Variants in C10orf90 observed in about 807,000 individuals in gnomAD.
C10orf90 encodes the protein chromosome 10 open reading frame 90.
In C10orf90, 56 loss-of-function variants were observed where a neutral mutation model predicts 62.5. That is an observed-to-expected ratio of 0.90 (90% CI 0.72 to 1.12). C10orf90 has a LOEUF of 1.12. Among genes scored for constraint, C10orf90 ranks in the 50% most tolerant of loss-of-function variants. The pLI is 0.00. For synonymous variants in C10orf90, 386 were observed against 340.4 expected (o/e 1.13, Z -1.47); for missense variants, 970 against 880.4 (o/e 1.10, Z -1.29).
chr10:126,565,482 G>C (rs186987258), intron 2 of C10orf90, among the ~76,000 whole-genome samples: 1 of 121,976 alleles, frequency 8.2e-6, no homozygotes, highest in Non-Finnish European at 1.6e-5. Flanking sequence ...CAGTCAATTT[G>C]CTGTCACCCT....
chr10:126,607,746 A>C (rs1845344016), intron 2 of C10orf90, among the ~76,000 whole-genome samples: 1 of 152,220 alleles, frequency 6.6e-6, no homozygotes. Flanking sequence ...TACATGGATA[A>C]AAGATCCATC....
chr10:126,662,587 C>A (rs777119462), intron 1 of C10orf90, among the ~76,000 whole-genome samples: 4 of 152,172 alleles, frequency 2.6e-5, no homozygotes, highest in Admixed American at 6.5e-5. Context: ...CTTCCTGTGC[C>A]CCCGTTCAGA....
At chr10:126,523,651 T>C (rs1419148905) in intron 2 of C10orf90, 1 of 152,218 alleles carries the variant, frequency 6.6e-6, no homozygotes, top group Non-Finnish European at 1.5e-5. Context: ...TTTCCTAACA[T>C]GCAAGCATTA....
intron 4 of C10orf90, among the ~76,000 whole-genome samples, chr10:126,480,694 C>T (rs929212119): frequency 5.9e-5 from 9 of 152,230 alleles, no homozygotes; most frequent in Non-Finnish European, 1.2e-4. Context: ...ACCTCCAGAT[C>T]TAGGCATTAA....
intron 4 of C10orf90, among the ~76,000 whole-genome samples, chr10:126,480,076 A>G (rs1861091728): frequency 6.6e-6 from 1 of 152,220 alleles, no homozygotes; most frequent in Admixed American, 6.5e-5. Context: ...TGTATTCCAG[A>G]AAATTTTACT....
At position 126,646,060 on chromosome 10, in the gene C10orf90, G is replaced by A. The variant is rs532733521; in HGVS notation, c.313+505C>T. On this transcript the variant is annotated intron_variant, in intron 2 of 9. Transcript: ENST00000488181. Reference sequence around the variant, plus strand: ...GATTTTGCTCACAAAGAGTGGGGCAGGGGAGCTGGTTTTCACATCATTTAT... The same window carrying A: ...GATTTTGCTCACAAAGAGTGGGGCAAGGGAGCTGGTTTTCACATCATTTAT... Among the ~76,000 whole-genome samples, 39 of 152,270 alleles carry A rather than the reference G, an allele frequency of 2.6e-4. No individual in the cohort carries two copies. In the South Asian group the frequency reaches 6.9e-3, roughly 27 times the overall value.
At chr10:126,625,428 T>A (rs1197366570) in intron 2 of C10orf90, among the ~76,000 whole-genome samples, 1 of 152,174 alleles carries the variant, frequency 6.6e-6, no homozygotes, top group Non-Finnish European at 1.5e-5. Context: ...AGGACATTTT[T>A]ATAAAATATA....
At chr10:126,590,913 T>C (rs1335405963) in intron 2 of C10orf90, among the ~76,000 whole-genome samples, 1 of 152,110 alleles carries the variant, frequency 6.6e-6, no homozygotes, top group Non-Finnish European at 1.5e-5. Context: ...ATGTTATAAA[T>C]ATCTATATGC....
chr10:126,502,422 A>T (rs1456058818), intron 4 of C10orf90, among the ~76,000 whole-genome samples: 1 of 152,190 alleles, frequency 6.6e-6, no homozygotes, highest in East Asian at 1.9e-4. Flanking sequence ...GAATAAATTT[A>T]TACTATTTGC....
chr10:126,669,010 G>A (rs200916016), intron 1 of C10orf90, among the ~76,000 whole-genome samples: 3 of 111,106 alleles, frequency 2.7e-5, no homozygotes, highest in East Asian at 2.4e-4. Flanking sequence ...TATGAACAAT[G>A]CATAATAATG....
chr10:126,502,488 C>T (rs1285891784), intron 4 of C10orf90, among the ~76,000 whole-genome samples: 4 of 152,200 alleles, frequency 2.6e-5, no homozygotes, highest in Non-Finnish European at 5.9e-5. Flanking sequence ...CAAAAATCTT[C>T]TCTGCACCAC....
chr10:126,445,628 T>C (rs963741655), intron 7 of C10orf90, among the ~76,000 whole-genome samples: 16 of 152,034 alleles, frequency 1.1e-4, no homozygotes, highest in Admixed American at 2.6e-4. Context: ...GATCTGAAAG[T>C]AGAACTATCG....
intron 1 of C10orf90, among the ~76,000 whole-genome samples, chr10:126,665,761 T>C (rs1846614309): frequency 2.0e-5 from 3 of 152,084 alleles, no homozygotes; most frequent in Admixed American, 6.6e-5. Context: ...GGGTCTTTGC[T>C]GAGTGGAGGA....
Position 126,456,979 on chromosome 10 carries a change from TTTTTGCTTTTGTA to T in C10orf90, c.2188+2048_2188+2060del, listed in dbSNP as rs144301227. Among the ~76,000 whole-genome samples the T allele has an allele frequency of 2.9e-4, 44 of 152,234 alleles. No individual in the cohort carries two copies. Among genetic ancestry groups the T allele is most frequent in the African/African-American group, 1.1e-3 (44 of 41,544 alleles). On this transcript the variant is annotated intron_variant, in intron 7 of 9. Coordinates refer to ENST00000488181, the MANE Select transcript of C10orf90 (RefSeq NM_001350921.2). This position sits in a 1 kb window ranked among gnomAD's most constrained non-coding sequence, Gnocchi z 4.9. ...AGTTTCTGGGCTTGTTTTGTTTTTG[TTTTTGCTTTTGTA>T]TTTTGCTTTTTCTGAGACAGGGTCT...
intron 8 of C10orf90, among the ~76,000 whole-genome samples, chr10:126,427,132 T>A (rs999388737): frequency 2.0e-5 from 3 of 152,208 alleles, no homozygotes; most frequent in Admixed American, 6.5e-5. Flanking sequence ...ACTTGTGAGA[T>A]CCGGGAAATG....
intron 4 of C10orf90, among the ~76,000 whole-genome samples, chr10:126,501,681 C>T (rs1862389644): frequency 6.6e-6 from 1 of 152,138 alleles, no homozygotes; most frequent in Non-Finnish European, 1.5e-5. Context: ...AGCAACTCCA[C>T]AAAAAGTTCT....
At position 126,456,984 on chromosome 10, in the gene C10orf90, G is replaced by C. The variant is rs1211207424; in HGVS notation, c.2188+2056C>G. Among the ~76,000 whole-genome samples, 2 of 151,996 alleles carry C rather than the reference G, an allele frequency of 1.3e-5. No individual in the cohort carries two copies. The highest frequency in any genetic ancestry group is 4.8e-5 in the African/African-American group (2 of 41,336). ...CTGGGCTTGTTTTGTTTTTGTTTTT[G>C]CTTTTGTATTTTGCTTTTTCTGAGA... is the stretch of plus-strand genomic sequence containing the variant. On this transcript the variant is annotated intron_variant, in intron 7 of 9. Transcript: ENST00000488181. This position sits in a 1 kb window ranked among gnomAD's most constrained non-coding sequence, Gnocchi z 4.9.
intron 2 of C10orf90, chr10:126,524,573 G>C (rs1483090524): frequency 2.1e-6 from 2 of 950,458 alleles, no homozygotes; most frequent in African/African-American, 1.8e-5. Context: ...AAGATGAAAA[G>C]TTTGTCCCCA....
intron 4 of C10orf90, chr10:126,470,169 G>A (rs973868357): frequency 8.7e-5 from 35 of 401,096 alleles, no homozygotes; most frequent in Middle Eastern, 7.1e-4. Flanking sequence ...GCTGCAGAGG[G>A]AGAGAAGGCA....
Sources: allele counts gnomAD v4.1 joint callset (sites outside exome capture counted in the v4.1 genomes callset), GRCh38; gene constraint gnomAD v4.1.1; non-coding constraint Gnocchi (gnomAD v3.1); transcripts MANE v1.5; gene names NCBI Gene and HGNC (gene_info 2026-07-23, HGNC 2026-07-21).